ERG: variants seen among roughly 807,000 people sequenced by gnomAD.
ERG encodes transcriptional regulator ERG.
A neutral mutation model predicts 55.3 loss-of-function variants in ERG; 9 were observed. The observed-to-expected ratio is 0.16, with a 90% CI of 0.10 to 0.28. The LOEUF (loss-of-function observed/expected upper bound fraction) is 0.28, where lower values mean the gene tolerates loss of function less well. Among genes scored for constraint, ERG ranks in the 10% least tolerant of loss-of-function variants. The pLI, the probability that ERG is intolerant of heterozygous loss-of-function variation, is 1.00. For missense variants in ERG, 434 were observed against 631.6 expected (o/e 0.69, Z 3.35); for synonymous variants, 223 against 237.3 (o/e 0.94, Z 0.55).
chr21:38,476,260 C>T (rs1015524633), intron 1 of ERG, among the ~76,000 whole-genome samples: 1 of 152,156 alleles, frequency 6.6e-6, no homozygotes, highest in Non-Finnish European at 1.5e-5. Context: ...CCCTAAGTGT[C>T]GCTGTGTATT....
chr21:38,451,847 AGT>A (rs1415880049), intron 1 of ERG, among the ~76,000 whole-genome samples: 2 of 152,230 alleles, frequency 1.3e-5, no homozygotes, highest in African/African-American at 2.4e-5. Context: ...TCATCTGACC[AGT>A]GTGTCTTTTA....
intron 1 of ERG, among the ~76,000 whole-genome samples, chr21:38,480,124 C>T (rs989100764): frequency 4.6e-5 from 7 of 152,110 alleles, no homozygotes; most frequent in African/African-American, 9.7e-5. Flanking sequence ...AGCATGGATA[C>T]GGTGGACAAA....
At chr21:38,653,621 A>G (rs2060501036) in intron 1 of ERG, among the ~76,000 whole-genome samples, 1 of 152,206 alleles carries the variant, frequency 6.6e-6, no homozygotes, top group Non-Finnish European at 1.5e-5. Context: ...CTCATGGAAG[A>G]GAGAAAAATT....
At chr21:38,538,357 T>C (rs1457144869) in intron 2 of ERG, among the ~76,000 whole-genome samples, 1 of 151,906 alleles carries the variant, frequency 6.6e-6, no homozygotes. Flanking sequence ...CAAAAAGTCA[T>C]AAAAATCAAA....
At chr21:38,401,475 C>T (rs918746578) in intron 5 of ERG, among the ~76,000 whole-genome samples, 1 of 152,068 alleles carries the variant, frequency 6.6e-6, no homozygotes, top group African/African-American at 2.4e-5. Flanking sequence ...TTTAAAACTT[C>T]AGATTAAAAA....
exon 2 of ERG, chr21:38,575,672 G>A: frequency 1.2e-6 from 2 of 1,613,822 alleles, no homozygotes; most frequent in Non-Finnish European, 1.7e-6. Context: ...CTTGATATGA[G>A]CTGCTGGGTC....
intron 1 of ERG, among the ~76,000 whole-genome samples, chr21:38,618,969 T>TAAGGACCTGAAACATG (rs1248774503): frequency 2.6e-5 from 4 of 152,186 alleles, no homozygotes; most frequent in Admixed American, 6.5e-5. Context: ...AGTCCCTGGA[T>TAAGGACCTGAAACATG]AAGGACCTGA....
intron 1 of ERG, among the ~76,000 whole-genome samples, chr21:38,453,209 A>G (rs1161935720): frequency 1.3e-5 from 2 of 152,244 alleles, no homozygotes; most frequent in Non-Finnish European, 2.9e-5. Flanking sequence ...TTAAATAGGG[A>G]CTTCCTATAG....
At chr21:38,385,642 G>C (rs1454497348) in intron 9 of ERG, among the ~76,000 whole-genome samples, 3 of 152,188 alleles carry the variant, frequency 2.0e-5, no homozygotes, top group Non-Finnish European at 4.4e-5. Flanking sequence ...CAACACATTT[G>C]AAATGTATTA....
At chr21:38,462,981 T>G (rs1329733029) in intron 1 of ERG, among the ~76,000 whole-genome samples, 7 of 152,132 alleles carry the variant, frequency 4.6e-5, no homozygotes, top group African/African-American at 1.7e-4. Context: ...AGAGGCAGCT[T>G]GAGACACTGG....
At chr21:38,546,695 A>G (rs1425152001) in intron 2 of ERG, among the ~76,000 whole-genome samples, 1 of 152,214 alleles carries the variant, frequency 6.6e-6, no homozygotes, top group African/African-American at 2.4e-5. Context: ...AACCTGGTCC[A>G]GCTCCCAGGT....
At chr21:38,452,027 T>C (rs905994911) in intron 1 of ERG, among the ~76,000 whole-genome samples, 2 of 152,226 alleles carry the variant, frequency 1.3e-5, no homozygotes, top group African/African-American at 4.8e-5. Context: ...GTGTTCACGT[T>C]TTTCTAATTT....
chr21:38,658,333 A>G (rs373354081), intron 1 of ERG, among the ~76,000 whole-genome samples: 2 of 152,328 alleles, frequency 1.3e-5, no homozygotes, highest in Admixed American at 6.5e-5. Context: ...TTAGAAACGT[A>G]GGTGGCTCTG....
At chr21:38,487,866 T>C (rs1315567858) in intron 1 of ERG, among the ~76,000 whole-genome samples, 1 of 152,316 alleles carries the variant, frequency 6.6e-6, no homozygotes, top group East Asian at 1.9e-4. Flanking sequence ...AAGGAAAATA[T>C]CTCTTTGGGC....
At chr21:38,561,220 G>A (rs2059890922) in intron 2 of ERG, among the ~76,000 whole-genome samples, 1 of 152,194 alleles carries the variant, frequency 6.6e-6, no homozygotes, top group Admixed American at 6.5e-5. Context: ...AGGAACAGCA[G>A]CATATTGTTT....
intron 1 of ERG, among the ~76,000 whole-genome samples, chr21:38,497,922 C>T (rs1705201431): frequency 6.6e-6 from 1 of 152,192 alleles, no homozygotes; most frequent in South Asian, 2.1e-4. Context: ...CTGGGACTGC[C>T]TGGCATCCCT....
intron 1 of ERG, among the ~76,000 whole-genome samples, chr21:38,463,398 G>A (rs541803162): frequency 2.0e-5 from 3 of 152,324 alleles, no homozygotes; most frequent in South Asian, 4.1e-4. Context: ...GGAGAAAGGA[G>A]CAGGAGATTC....
chr21:38,421,172 A>G (rs1023584906), intron 3 of ERG, among the ~76,000 whole-genome samples: 2 of 152,166 alleles, frequency 1.3e-5, no homozygotes, highest in African/African-American at 4.8e-5. Flanking sequence ...GCAGCAAGTG[A>G]GGCAGTCTCA....
At chr21:38,441,393 A>G (rs2058839915) in intron 2 of ERG, among the ~76,000 whole-genome samples, 1 of 152,206 alleles carries the variant, frequency 6.6e-6, no homozygotes, top group Non-Finnish European at 1.5e-5. Flanking sequence ...CTTAAGAACA[A>G]AGCCTGCGGT....
Sources: gnomAD v4.1 joint callset for allele counts (sites outside exome capture counted in the v4.1 genomes callset) on GRCh38, gnomAD v4.1.1 for gene constraint, MANE v1.5 for transcripts, NCBI Gene and HGNC (gene_info 2026-07-23, HGNC 2026-07-21) for gene names.